TTC4: variants seen among roughly 807,000 people sequenced by gnomAD.
TTC4 encodes the protein tetratricopeptide repeat domain 4.
A neutral mutation model predicts 51.9 loss-of-function variants in TTC4; 36 were observed. The ratio of observed to expected loss-of-function variants is 0.69; its 90% CI spans 0.53 to 0.92. The LOEUF is 0.92. TTC4 is among the 40% of genes least tolerant of loss of function. The pLI, the probability that TTC4 is intolerant of heterozygous loss-of-function variation, is 0.00. For missense variants in TTC4, 399 were observed against 454.6 expected (o/e 0.88, Z 1.11); for synonymous variants, 144 against 164.2 (o/e 0.88, Z 0.94).
rs1210170803 is a variant in TTC4, at chr1:54,728,360, G to T, written c.609G>T (p.Arg203Ser). 6.2e-7 allele frequency: 1 copy of T among 1,612,650 alleles called. No individual in the cohort carries two copies. The highest frequency in any genetic ancestry group is 8.5e-7 in the Non-Finnish European group (1 of 1,179,116). Residue 203 changes from arginine to serine, a missense_variant, in exon 6 of 10, where the codon AGG becomes AGT. Physicochemically the swap from Arg to Ser is moderately radical, Grantham distance 110. This residue lies in a region of TTC4 where 316 missense variants were observed against 349.6 expected (regional missense o/e 0.90). Coordinates refer to ENST00000371281, the MANE Select transcript of TTC4 (RefSeq NM_004623.5). Reference protein sequence around the residue: ...KADKLKRIEQRDVRKANLKEK... With the variant: ...KADKLKRIEQSDVRKANLKEK... Reference sequence around the variant, plus strand: ...TTCATTTTTAGCGAATTGAACAGAGGGATGTGAGGAAAGCCAACTTGAAAG... The same window carrying T: ...TTCATTTTTAGCGAATTGAACAGAGTGATGTGAGGAAAGCCAACTTGAAAG...
In TTC4 at chr1:54,716,581, C is replaced by T. The variant is rs374035702; in HGVS notation, c.112-19C>T. On this transcript the variant is annotated intron_variant, in intron 1 of 9. Transcript: ENST00000371281. ...AGTAGAAAAGCTTATTCATGTAGTT[C>T]ATTCTTAACCATTTACAGGAATTTG... 5.1e-5 allele frequency: 80 copies of T among 1,580,470 alleles called. No individual in the cohort carries two copies. Among genetic ancestry groups the T allele is most frequent in the Non-Finnish European group, 6.7e-5 (77 of 1,156,102 alleles).
intron 9 of TTC4, 103 bp from the exon 10 acceptor site, chr1:54,741,308 T>C: frequency 2.1e-6 from 2 of 966,856 alleles, no homozygotes; most frequent in African/African-American, 1.6e-5. Context: ...ATTTTCATGT[T>C]GACTCCCATC....
intron 5 of TTC4, 138 bp downstream of exon 5, chr1:54,722,937 C>CT: frequency 8.7e-7 from 1 of 1,144,396 alleles, no homozygotes; most frequent in Non-Finnish European, 1.2e-6. Context: ...CTCTGTGGAG[C>CT]ACACAGACAA....
At chr1:54,740,182 CA>C (rs573224095) in intron 9 of TTC4, among the ~76,000 whole-genome samples, 1 of 151,962 alleles carries the variant, frequency 6.6e-6, no homozygotes, top group African/African-American at 2.4e-5. Context: ...TCCCACTACC[CA>C]AAAAAATTAC....
chr1:54,720,846 G>T (rs1645735695), intron 3 of TTC4, among the ~76,000 whole-genome samples: 1 of 151,994 alleles, frequency 6.6e-6, no homozygotes, highest in Admixed American at 6.6e-5. Context: ...TACCCTGAGA[G>T]TACCCCTTTT....
chr1:54,727,304 T>A (rs1393784891), intron 5 of TTC4, among the ~76,000 whole-genome samples: 1 of 152,096 alleles, frequency 6.6e-6, no homozygotes, highest in Non-Finnish European at 1.5e-5. Flanking sequence ...GATATTCACA[T>A]GTGGGAGAAT....
In TTC4 at chr1:54,716,029, C is replaced by G; in HGVS notation, c.111+10C>G. ...GGACCAGTGGGAGAAGGTGGGCGGTCCTGGGGTCTCCCCACGTGTGTAGGG... is the reference window on the plus strand; with the variant it reads ...GGACCAGTGGGAGAAGGTGGGCGGTGCTGGGGTCTCCCCACGTGTGTAGGG... On this transcript the variant is annotated intron_variant, in intron 1 of 9. Coordinates refer to ENST00000371281, the MANE Select transcript of TTC4 (RefSeq NM_004623.5). The G allele has an allele frequency of 6.4e-7, 1 of 1,566,656 alleles. No individual in the cohort carries two copies. The highest frequency in any genetic ancestry group is 8.7e-7 in the Non-Finnish European group (1 of 1,155,916).
At chr1:54,724,272 T>C (rs182545345) in intron 5 of TTC4, among the ~76,000 whole-genome samples, 1 of 151,962 alleles carries the variant, frequency 6.6e-6, no homozygotes, top group East Asian at 1.9e-4. Context: ...TTTTTTCTTT[T>C]TTTTTTTTCA....
chr1:54,716,470 C>T (rs1645677536), intron 1 of TTC4, 130 bp from the exon 2 acceptor site: 2 of 693,900 alleles, frequency 2.9e-6, no homozygotes, highest in Non-Finnish European at 5.0e-6. Context: ...AAGCGGAGGC[C>T]TGAATGGATA....
intron 3 of TTC4, 62 bp downstream of exon 3, chr1:54,717,715 G>T: frequency 7.2e-7 from 1 of 1,383,388 alleles, no homozygotes; most frequent in Non-Finnish European, 9.5e-7. Flanking sequence ...ATGGTTAGTG[G>T]AGGTTTGAGA....
intron 6 of TTC4, among the ~76,000 whole-genome samples, chr1:54,729,588 GTCTT>G (rs1645840806): frequency 6.6e-6 from 1 of 152,094 alleles, no homozygotes; most frequent in African/African-American, 2.4e-5. Context: ...ATGCCACCCT[GTCTT>G]TCTCTTTTCT....
At chr1:54,727,416 A>C (rs1645813504) in intron 5 of TTC4, among the ~76,000 whole-genome samples, 1 of 152,250 alleles carries the variant, frequency 6.6e-6, no homozygotes, top group African/African-American at 2.4e-5. Flanking sequence ...AAGAAAACAT[A>C]GATATGAATC....
chr1:54,738,121 G>C (rs1472412907), intron 9 of TTC4, among the ~76,000 whole-genome samples: 2 of 152,062 alleles, frequency 1.3e-5, no homozygotes, highest in African/African-American at 4.8e-5. Context: ...GGCTGGTCTT[G>C]AACTCCTGAC....
intron 3 of TTC4, among the ~76,000 whole-genome samples, 179 bp from the exon 4 acceptor site, chr1:54,720,984 T>G (rs1480317474): frequency 6.6e-6 from 1 of 152,230 alleles, no homozygotes; most frequent in Admixed American, 6.5e-5. Flanking sequence ...TTCTGTAGAT[T>G]GCCTGTTATA....
chr1:54,723,595 G>C (rs1382965014), intron 5 of TTC4, among the ~76,000 whole-genome samples: 1 of 152,174 alleles, frequency 6.6e-6, no homozygotes, highest in African/African-American at 2.4e-5. Context: ...GCCTGAATTT[G>C]AAGACTCCCT....
chr1:54,725,369 A>G (rs142714955), intron 5 of TTC4, among the ~76,000 whole-genome samples: 1 of 152,334 alleles, frequency 6.6e-6, no homozygotes, highest in East Asian at 1.9e-4. Flanking sequence ...CTTAAAAGGA[A>G]AAACTGGGGA....
Position 54,737,513 on chromosome 1 carries a change from T to C in TTC4, c.979-69T>C, listed in dbSNP as rs547861168. On this transcript the variant is annotated intron_variant, in intron 8 of 9. Transcript: ENST00000371281. The stretch of plus-strand genomic sequence containing the variant: ...CCGTTGCCATCTTTTTAATTTTCCC[T>C]GGGCTTAGCCTCAACTAAGGCTGCC... 4.1e-6 allele frequency: 6 copies of C among 1,454,312 alleles called. No individual in the cohort carries two copies. In the African/African-American group the frequency reaches 7.0e-5, roughly 17 times the overall value. The allele number at this position is 1,454,312 out of a possible 1,614,324, so 90.1% of individuals were successfully genotyped here.
At chr1:54,720,962 A>G (rs1053409390) in intron 3 of TTC4, among the ~76,000 whole-genome samples, 6 of 152,134 alleles carry the variant, frequency 3.9e-5, no homozygotes, top group Non-Finnish European at 8.8e-5. Flanking sequence ...TGTGCTTACT[A>G]GCCATTTACA....
chr1:54,740,939 A>T (rs1339835681), intron 9 of TTC4, among the ~76,000 whole-genome samples: 1 of 152,060 alleles, frequency 6.6e-6, no homozygotes, highest in East Asian at 1.9e-4. Context: ...TCCCTTCCTC[A>T]TAGAGGGAAT....
Sources: allele counts gnomAD v4.1 joint callset (sites outside exome capture counted in the v4.1 genomes callset), GRCh38; gene constraint gnomAD v4.1.1; regional missense constraint gnomAD v4.1.1; transcripts MANE v1.5; gene names NCBI Gene and HGNC (gene_info 2026-07-23, HGNC 2026-07-21).